The following XPO4 variants were observed in gnomAD, a reference collection of about 807,000 sequenced individuals.
XPO4 encodes the protein exportin 4.
Under a neutral mutation model 143.0 loss-of-function variants are expected in XPO4, and 39 were observed. That is an observed-to-expected ratio of 0.27 (90% CI 0.21 to 0.36). The LOEUF (loss-of-function observed/expected upper bound fraction) is 0.36, where lower values mean the gene tolerates loss of function less well. XPO4 is among the 10% of genes least tolerant of loss of function. The probability of loss-of-function intolerance (pLI) is 1.00; values close to 1 mark genes in which losing one functional copy is unlikely to be tolerated. For missense variants in XPO4, 907 were observed against 1,348.0 expected, an observed-to-expected ratio of 0.67 and a Z score of 5.12; for synonymous variants, 439 against 474.0, an observed-to-expected ratio of 0.93 and a Z score of 0.96.
rs747721132 is a variant in XPO4, at chr13:20,860,740, C to G, written c.317+1977G>C. Among the ~76,000 whole-genome samples, 45 of 152,280 alleles carry G rather than the reference C, an allele frequency of 3.0e-4. No individual in the cohort carries two copies. The East Asian group carries it at 3.1e-3, about 10-fold the overall frequency. ...ACCAAACAAAAACCAATCAATCAATCCAGCATGACAGAGAAAAGAAAGGTT... is the reference window on the plus strand; with the variant it reads ...ACCAAACAAAAACCAATCAATCAATGCAGCATGACAGAGAAAAGAAAGGTT... On this transcript the variant is annotated intron_variant, in intron 3 of 22. Coordinates refer to ENST00000255305, the MANE Select transcript of XPO4 (RefSeq NM_022459.5).
intron 1 of XPO4, among the ~76,000 whole-genome samples, chr13:20,877,096 T>C (rs940177415): frequency 6.6e-6 from 1 of 152,016 alleles, no homozygotes; most frequent in African/African-American, 2.4e-5. Context: ...ACAGAAAAGA[T>C]CCCCAAGTGC....
rs757409481 is a variant in XPO4, at chr13:20,788,628, A to G, written c.2917-12T>C. ...CAAAGGGTTGGAAACTGAAAAAGAA[A>G]TATTCAATTATTTGGATGCTCATTA... On this transcript the variant is annotated splice_polypyrimidine_tract_variant and intron_variant, in intron 19 of 22. Transcript: ENST00000255305. The G allele has an allele frequency of 5.2e-5, 82 of 1,578,130 alleles. No homozygotes were observed. Among genetic ancestry groups the G allele is most frequent in the Non-Finnish European group, 7.0e-5 (81 of 1,164,766 alleles).
intron 5 of XPO4, 84 bp from the exon 6 acceptor site, chr13:20,843,132 A>C: frequency 7.6e-7 from 1 of 1,313,770 alleles, no homozygotes; most frequent in African/African-American, 1.5e-5. Context: ...CAAAACAAAC[A>C]CCTTAAAATT....
intron 19 of XPO4, among the ~76,000 whole-genome samples, chr13:20,789,310 C>A (rs1390462610): frequency 6.6e-6 from 1 of 152,044 alleles, no homozygotes; most frequent in Non-Finnish European, 1.5e-5. Flanking sequence ...GGGGGAAGCA[C>A]ACGGTTAGAT....
At chr13:20,876,429 G>GA (rs201129028) in intron 1 of XPO4, among the ~76,000 whole-genome samples, 4 of 151,580 alleles carry the variant, frequency 2.6e-5, no homozygotes, top group Non-Finnish European at 5.9e-5. Context: ...AAATCAATGA[G>GA]AAAAAAAATA....
chr13:20,868,414 G>C, intron 2 of XPO4, 182 bp downstream of exon 2: 1 of 1,009,014 alleles, frequency 9.9e-7, no homozygotes, highest in Non-Finnish European at 1.3e-6. Context: ...TAAAAACAAA[G>C]TTTCCCGTCT....
intron 4 of XPO4, among the ~76,000 whole-genome samples, chr13:20,847,830 A>T (rs1323294566): frequency 1.3e-5 from 2 of 152,218 alleles, no homozygotes; most frequent in African/African-American, 4.8e-5. Context: ...TACAAATCTT[A>T]AGACTTCTAA....
chr13:20,895,112 G>C (rs763913418), intron 1 of XPO4, among the ~76,000 whole-genome samples: 76 of 148,374 alleles, frequency 5.1e-4, no homozygotes, highest in Non-Finnish European at 9.4e-4. Context: ...CGGGAGGCAG[G>C]GGTGGCAGGG....
At chr13:20,875,389 C>T (rs1002581730) in intron 1 of XPO4, among the ~76,000 whole-genome samples, 9 of 152,150 alleles carry the variant, frequency 5.9e-5, no homozygotes, top group Non-Finnish European at 7.3e-5. Context: ...CTGCCCTAAT[C>T]CCTGTCTCCC....
At chr13:20,785,930 GAAAAGAAAAAT>G (rs2059198328) in intron 22 of XPO4, among the ~76,000 whole-genome samples, 1 of 142,964 alleles carries the variant, frequency 7.0e-6, no homozygotes, top group East Asian at 2.0e-4. Flanking sequence ...AGAAAGGAAA[GAAAAGAAAAAT>G]GAAAGAAAAA....
At chr13:20,784,272 A>G (rs1166837977) in intron 22 of XPO4, among the ~76,000 whole-genome samples, 1 of 152,234 alleles carries the variant, frequency 6.6e-6, no homozygotes, top group Non-Finnish European at 1.5e-5. Flanking sequence ...TTCAAAGCAC[A>G]TTATTCCTAT....
At chr13:20,899,911 A>G (rs1447936465) in intron 1 of XPO4, among the ~76,000 whole-genome samples, 3 of 152,350 alleles carry the variant, frequency 2.0e-5, no homozygotes, top group Middle Eastern at 6.8e-3. Context: ...CGGAGCATTA[A>G]CAACCTTAAT....
chr13:20,817,924 T>C (rs2059670079), intron 9 of XPO4, among the ~76,000 whole-genome samples: 2 of 151,882 alleles, frequency 1.3e-5, no homozygotes, highest in South Asian at 4.2e-4. Context: ...GCCTCCTCAG[T>C]AGCTGGGATT....
Position 20,803,065 on chromosome 13 carries a change from T to C in XPO4, c.1818-2075A>G, listed in dbSNP as rs9578320. Among the ~76,000 whole-genome samples the C allele has an allele frequency of 0.093, 14,216 of 152,272 alleles. 826 individuals carry two copies. The highest frequency in any genetic ancestry group is 0.13 in the Non-Finnish European group (9,016 of 68,014). On this transcript the variant is annotated intron_variant, in intron 13 of 22. Transcript: ENST00000255305. This position sits in a 1 kb window ranked among gnomAD's most constrained non-coding sequence, Gnocchi z 4.1. ...GATTTGATTCCTATTTTTCCTTTAA[T>C]AGATATAAGTACTGAGAAAACTTCA...
chr13:20,885,101 C>T (rs774460123), intron 1 of XPO4, among the ~76,000 whole-genome samples: 13 of 152,074 alleles, frequency 8.5e-5, no homozygotes, highest in African/African-American at 1.7e-4. Context: ...TACAGGCATG[C>T]GCCACCACGC....
At chr13:20,792,374 C>T (rs1055013419) in intron 18 of XPO4, among the ~76,000 whole-genome samples, 1 of 151,916 alleles carries the variant, frequency 6.6e-6, no homozygotes, top group Non-Finnish European at 1.5e-5. Flanking sequence ...AGGCGGATCA[C>T]GAGGTCAGGA....
At chr13:20,831,142 A>G (rs1209806813) in intron 6 of XPO4, among the ~76,000 whole-genome samples, 2 of 152,124 alleles carry the variant, frequency 1.3e-5, no homozygotes, top group Non-Finnish European at 2.9e-5. Flanking sequence ...TTTCTACCCC[A>G]GATAATTCTT....
rs1044249859 is a variant in XPO4, at chr13:20,857,982, G to A, written c.318-2217C>T. On this transcript the variant is annotated intron_variant, in intron 3 of 22. Transcript: ENST00000255305. ...TATTTATGTAATAGTCTACTACATA[G>A]CCTATAGTATTCTACCTATGCAGTA... 7 of 984,868 alleles carry A rather than the reference G, an allele frequency of 7.1e-6. No individual in the cohort carries two copies. The African/African-American group carries it at 8.7e-5, about 12-fold the overall frequency. 61.0% of individuals were successfully genotyped at this position (984,868 alleles called of 1,614,324 possible). A position where few individuals can be genotyped will look rare whatever the true frequency, so the allele number is the denominator to read the frequency against.
At chr13:20,899,033 A>G (rs1358428951) in intron 1 of XPO4, among the ~76,000 whole-genome samples, 2 of 152,060 alleles carry the variant, frequency 1.3e-5, no homozygotes, top group Non-Finnish European at 2.9e-5. Flanking sequence ...TTACCCATTC[A>G]AGGCTGCAGT....
Sources: gnomAD v4.1 joint callset for allele counts (sites outside exome capture counted in the v4.1 genomes callset) on GRCh38, gnomAD v4.1.1 for gene constraint, Gnocchi (gnomAD v3.1) non-coding constraint, MANE v1.5 for transcripts, NCBI Gene and HGNC (gene_info 2026-07-23, HGNC 2026-07-21) for gene names.